PKHD1: variants seen among roughly 807,000 people sequenced by gnomAD.
PKHD1 encodes PKHD1 ciliary IPT domain containing fibrocystin/polyductin.
In PKHD1, 291 loss-of-function variants were observed where a neutral mutation model predicts 412.0. That is an observed-to-expected ratio of 0.71 (90% CI 0.64 to 0.78). PKHD1 has a LOEUF of 0.78. Ranked by LOEUF, PKHD1 falls within the 30% of genes least tolerant of loss-of-function variation. The pLI is 0.00. For synonymous variants in PKHD1, 1,777 were observed against 1,821.5 expected (o/e 0.98, Z 0.62); for missense variants, 4,825 against 4,950.7 (o/e 0.97, Z 0.76).
At chr6:51,811,109 G>T (rs1414854354) in intron 52 of PKHD1, among the ~76,000 whole-genome samples, 1 of 152,204 alleles carries the variant, frequency 6.6e-6, no homozygotes, top group East Asian at 1.9e-4. Context: ...CCTTAAGAAT[G>T]AATTAGGAAG....
At chr6:51,637,473 C>A (rs1021105307) in intron 64 of PKHD1, among the ~76,000 whole-genome samples, 2 of 151,886 alleles carry the variant, frequency 1.3e-5, no homozygotes, top group Non-Finnish European at 2.9e-5. Flanking sequence ...GAGCACTTGT[C>A]GACAGGTTAT....
chr6:52,058,648 G>A, intron 15 of PKHD1, 47 bp from the exon 16 acceptor site: 1 of 1,586,396 alleles, frequency 6.3e-7, no homozygotes, highest in Non-Finnish European at 8.6e-7. Context: ...CAGCTTCCAG[G>A]CATCTCTTTC....
At chr6:52,032,756 T>C (rs1258131416) in intron 29 of PKHD1, among the ~76,000 whole-genome samples, 1 of 152,182 alleles carries the variant, frequency 6.6e-6, no homozygotes, top group Non-Finnish European at 1.5e-5. Flanking sequence ...ACTTACTAAA[T>C]GCTCAAGGAA....
At position 52,043,662 on chromosome 6, in the gene PKHD1, C is replaced by T; in HGVS notation, c.2784G>A (p.Gly928=). The T allele has an allele frequency of 6.2e-7, 1 of 1,613,152 alleles. No individual in the cohort carries two copies. Among genetic ancestry groups the T allele is most frequent in the Non-Finnish European group, 8.5e-7 (1 of 1,179,228 alleles). ...ACACAGAATGGACACAGGGAGTTGA[C>T]CCTTGGAGGTACTGGAAAGAGCAGG... ...PGSCSFQYLQ[G]STPCVHSVWY... The change falls in exon 26 of 67, where the codon GGG becomes GGA. Residue 928 remains glycine (G), a synonymous_variant. Transcript: ENST00000371117.
intron 15 of PKHD1, among the ~76,000 whole-genome samples, chr6:52,059,406 G>C (rs1229478647): frequency 6.6e-6 from 1 of 151,196 alleles, no homozygotes; most frequent in Non-Finnish European, 1.5e-5. Context: ...GCGCCACCAT[G>C]CCTGGCTAAT....
chr6:51,688,349 G>C (rs964775763), intron 60 of PKHD1, among the ~76,000 whole-genome samples: 1 of 151,898 alleles, frequency 6.6e-6, no homozygotes, highest in Non-Finnish European at 1.5e-5. Context: ...TTCCCTCTCA[G>C]GACTTCAAAG....
intron 60 of PKHD1, among the ~76,000 whole-genome samples, chr6:51,730,573 T>G (rs901635238): frequency 4.6e-5 from 7 of 152,228 alleles, no homozygotes; most frequent in African/African-American, 1.7e-4. Context: ...TCTAGAATAT[T>G]TTTAATGAAT....
intron 36 of PKHD1, among the ~76,000 whole-genome samples, chr6:51,957,881 AC>A (rs1399174733): frequency 6.6e-6 from 1 of 152,038 alleles, no homozygotes; most frequent in Non-Finnish European, 1.5e-5. Flanking sequence ...TGCCAGCATC[AC>A]TTATTTTAGA....
chr6:51,795,865 C>T (rs559519303), intron 52 of PKHD1, among the ~76,000 whole-genome samples: 10 of 152,208 alleles, frequency 6.6e-5, no homozygotes, highest in East Asian at 5.8e-4. Flanking sequence ...ATTCCAGGGA[C>T]GAAGACTACT....
At chr6:51,695,009 T>C (rs977287182) in intron 60 of PKHD1, among the ~76,000 whole-genome samples, 13 of 152,254 alleles carry the variant, frequency 8.5e-5, no homozygotes, top group Admixed American at 3.9e-4. Context: ...GAAAACAATG[T>C]TGCCAAAATT....
At chr6:51,860,027 T>G (rs1446314457) in intron 48 of PKHD1, among the ~76,000 whole-genome samples, 1 of 152,246 alleles carries the variant, frequency 6.6e-6, no homozygotes, top group Admixed American at 6.5e-5. Flanking sequence ...CTCAGAGCCT[T>G]GAGTCTATCA....
At chr6:51,708,406 A>G (rs1364587350) in intron 60 of PKHD1, among the ~76,000 whole-genome samples, 1 of 152,138 alleles carries the variant, frequency 6.6e-6, no homozygotes, top group East Asian at 1.9e-4. Flanking sequence ...TCCCTATCCA[A>G]TCTATTCTCT....
intron 60 of PKHD1, among the ~76,000 whole-genome samples, chr6:51,720,428 G>A (rs1781760892): frequency 6.6e-6 from 1 of 152,130 alleles, no homozygotes; most frequent in South Asian, 2.1e-4. Context: ...AGTCCCTACA[G>A]CCTGCTTTCC....
chr6:51,933,419 G>T (rs573171654), intron 37 of PKHD1, among the ~76,000 whole-genome samples: 43 of 152,250 alleles, frequency 2.8e-4, no homozygotes, highest in African/African-American at 1.0e-3. Flanking sequence ...ACAGGAAGAG[G>T]TTCAACAACT....
chr6:52,020,820 T>C (rs1243206152), intron 33 of PKHD1, among the ~76,000 whole-genome samples: 2 of 152,214 alleles, frequency 1.3e-5, no homozygotes, highest in Non-Finnish European at 2.9e-5. Flanking sequence ...TACTCAATCC[T>C]GTCTGAAAAT....
chr6:51,755,882 T>C (rs1786918162), intron 55 of PKHD1, among the ~76,000 whole-genome samples: 1 of 151,788 alleles, frequency 6.6e-6, no homozygotes, highest in Non-Finnish European at 1.5e-5. Context: ...ATAAAACATA[T>C]GTCATTTGTA....
At chr6:51,850,662 A>G (rs1772046946) in intron 49 of PKHD1, among the ~76,000 whole-genome samples, 1 of 152,124 alleles carries the variant, frequency 6.6e-6, no homozygotes, top group Non-Finnish European at 1.5e-5. Flanking sequence ...GCAATTGTGA[A>G]TAGGAGTTCA....
At chr6:51,774,998 AATATG>A (rs1355169296) in intron 54 of PKHD1, among the ~76,000 whole-genome samples, 2 of 150,822 alleles carry the variant, frequency 1.3e-5, no homozygotes, top group Non-Finnish European at 3.0e-5. Context: ...ACATAGCTTA[AATATG>A]ATAACATATT....
At chr6:51,981,187 C>T (rs551892963) in intron 35 of PKHD1, among the ~76,000 whole-genome samples, 4 of 149,104 alleles carry the variant, frequency 2.7e-5, no homozygotes, top group African/African-American at 9.7e-5. Context: ...GCATGCTCTT[C>T]CCACTACACT....
Sources: gnomAD v4.1 joint callset for allele counts (sites outside exome capture counted in the v4.1 genomes callset) on GRCh38, gnomAD v4.1.1 for gene constraint, MANE v1.5 for transcripts, NCBI Gene and HGNC (gene_info 2026-07-23, HGNC 2026-07-21) for gene names.